TM4SF20: variants seen among roughly 807,000 people sequenced by gnomAD.
TM4SF20 encodes the protein transmembrane 4 L6 family member 20.
A neutral mutation model predicts 15.1 loss-of-function variants in TM4SF20; 13 were observed. The observed-to-expected ratio is 0.86, with a 90% CI of 0.56 to 1.36. The LOEUF (loss-of-function observed/expected upper bound fraction) is 1.36. Ranked by LOEUF, TM4SF20 falls within the 40% of genes most tolerant of loss-of-function variation. The pLI is 0.00. For missense variants in TM4SF20, 282 were observed against 268.4 expected (o/e 1.05, Z -0.35); for synonymous variants, 92 against 96.6 (o/e 0.95, Z 0.28).
At chr2:227,365,786 A>G (rs1410776669) in intron 3 of TM4SF20, among the ~76,000 whole-genome samples, 2 of 152,208 alleles carry the variant, frequency 1.3e-5, no homozygotes, top group Non-Finnish European at 2.9e-5. Context: ...GTATATTTGC[A>G]TAATTTTTTA....
At chr2:227,364,069 T>A in intron 3 of TM4SF20, 57 bp from the exon 4 acceptor site, 1 of 1,503,060 alleles carries the variant, frequency 6.7e-7, no homozygotes, top group Non-Finnish European at 9.0e-7. Context: ...CAAAGGAAAG[T>A]AGCATTGTGC....
At position 227,362,314 on chromosome 2, in the gene TM4SF20, A is replaced by T. The variant is rs1296923605; in HGVS notation, c.*1410T>A. ...ATTAATGAATAATGTAAACATAGGA[A>T]AATAGGAGGGTATAATGAATTGCCA... On this transcript the variant is annotated 3_prime_UTR_variant, in exon 4 of 4. Transcript: ENST00000304568. The T allele has an allele frequency of 6.6e-6, 1 of 152,348 alleles. No individual in the cohort carries two copies. Among genetic ancestry groups the T allele is most frequent in the South Asian group, 2.1e-4 (1 of 4,826 alleles). 9.4% of individuals were successfully genotyped at this position (152,348 alleles called of 1,614,324 possible). A position where few individuals can be genotyped will look rare whatever the true frequency, so the allele number is the denominator to read the frequency against.
At chr2:227,364,202 A>G (rs2076378890) in intron 3 of TM4SF20, among the ~76,000 whole-genome samples, 190 bp from the exon 4 acceptor site, 1 of 152,212 alleles carries the variant, frequency 6.6e-6, no homozygotes, top group Admixed American at 6.5e-5. Context: ...TTACTTATAT[A>G]GCCCATCATT....
Position 227,363,785 on chromosome 2 carries a change from A to G in TM4SF20, c.629T>C (p.Ile210Thr). The G allele has an allele frequency of 6.2e-7, 1 of 1,614,222 alleles. No homozygotes were observed. The highest frequency in any genetic ancestry group is 8.5e-7 in the Non-Finnish European group (1 of 1,180,032). Reference protein sequence around the residue: ...ILEVLFGLSQIVIGFLGCLCG... With the variant: ...ILEVLFGLSQTVIGFLGCLCG... The stretch of plus-strand genomic sequence containing the variant: ...CAGACAGCCAAGGAAACCGATGACT[A>G]TCTGACTGAGCCCAAACAGGACCTC... Residue 210 changes from isoleucine (I) to threonine (T), a missense_variant, in exon 4 of 4, where the codon ATA becomes ACA. Transcript: ENST00000304568.
chr2:227,378,826 G>T (rs2076464041), intron 1 of TM4SF20, among the ~76,000 whole-genome samples: 2 of 152,206 alleles, frequency 1.3e-5, no homozygotes, highest in African/African-American at 2.4e-5. Flanking sequence ...TACCTGTACA[G>T]AAATGTGAGA....
At chr2:227,368,644 G>A (rs1392064727) in intron 2 of TM4SF20, among the ~76,000 whole-genome samples, 1 of 152,158 alleles carries the variant, frequency 6.6e-6, no homozygotes, top group East Asian at 1.9e-4. Flanking sequence ...GGGATTGCAG[G>A]CGTGAGCCAC....
At chr2:227,370,749 C>G (rs2106492063) in intron 2 of TM4SF20, among the ~76,000 whole-genome samples, 166 bp downstream of exon 2, 1 of 152,232 alleles carries the variant, frequency 6.6e-6, no homozygotes, top group South Asian at 2.1e-4. Context: ...CAGAGCAAGA[C>G]CCTGTCTCTA....
At chr2:227,376,855 CCTAA>C (rs2076453148) in intron 1 of TM4SF20, among the ~76,000 whole-genome samples, 1 of 152,212 alleles carries the variant, frequency 6.6e-6, no homozygotes, top group South Asian at 2.1e-4. Context: ...TGTTAACATT[CCTAA>C]CTTTCTATCT....
At chr2:227,380,768 G>A (rs1380673293), upstream of TM4SF20, among the ~76,000 whole-genome samples, 1 of 152,164 alleles carries the variant, frequency 6.6e-6, no homozygotes, top group Non-Finnish European at 1.5e-5. Context: ...ATGCAGCGGT[G>A]CAGTCAGTGT....
intron 1 of TM4SF20, among the ~76,000 whole-genome samples, chr2:227,373,261 A>G (rs955757965): frequency 6.7e-6 from 1 of 149,666 alleles, no homozygotes; most frequent in Admixed American, 6.6e-5. Context: ...CTGATGATGT[A>G]CTGCCTCCAT....
chr2:227,376,212 G>A (rs866602237), intron 1 of TM4SF20, among the ~76,000 whole-genome samples: 1 of 152,278 alleles, frequency 6.6e-6, no homozygotes, highest in South Asian at 2.1e-4. Context: ...AAACACTACA[G>A]TAATTCTGGA....
chr2:227,378,788 C>G (rs1275598209), intron 1 of TM4SF20, among the ~76,000 whole-genome samples: 4 of 152,174 alleles, frequency 2.6e-5, no homozygotes, highest in Admixed American at 2.6e-4. Context: ...GTCCCTAACT[C>G]TAACCACAAA....
chr2:227,362,500 G>A lies in TM4SF20; in HGVS notation c.*1224C>T, dbSNP rs1298106270. ...AAAAATTCAAAATCCAGAATGCTCC[G>A]AGATCCAAAACTTTTTGAGCCAGTA... On this transcript the variant is annotated 3_prime_UTR_variant, in exon 4 of 4. Transcript: ENST00000304568. 3 of 152,010 alleles carry A rather than the reference G, an allele frequency of 2.0e-5. No individual in the cohort carries two copies. The highest frequency in any genetic ancestry group is 2.1e-4 in the South Asian group (1 of 4,818). 9.4% of individuals were successfully genotyped at this position (152,010 alleles called of 1,614,324 possible). A position where few individuals can be genotyped will look rare whatever the true frequency, so the allele number is the denominator to read the frequency against.
chr2:227,375,219 A>G (rs913249515), intron 1 of TM4SF20, among the ~76,000 whole-genome samples: 2 of 151,694 alleles, frequency 1.3e-5, no homozygotes, highest in Non-Finnish European at 1.5e-5. Flanking sequence ...AAGCCACCAT[A>G]CCTGGCCAAA....
In TM4SF20 at chr2:227,370,937, G is replaced by A. The variant is rs138005777; in HGVS notation, c.227C>T (p.Ala76Val). The A allele has an allele frequency of 2.0e-4, 315 of 1,613,838 alleles. No homozygotes were observed. The highest frequency in any genetic ancestry group is 2.4e-4 in the Non-Finnish European group (289 of 1,179,922). The change falls in exon 2 of 4, where the codon GCG (alanine) becomes GTG (valine). Residue 76 changes from alanine to valine, a missense_variant. Ala to Val is a moderately conservative substitution (Grantham distance 64). Transcript: ENST00000304568. ...TACTCCAGTTCTGTTGTTGCAGCAC[G>A]CTCTTTTTCTTGCTGTCAAGGACAT... is the stretch of plus-strand genomic sequence containing the variant. ...TTMSLTARKR[A>V]CCNNRTGMFL...
chr2:227,378,204 C>T (rs2076461268), intron 1 of TM4SF20, among the ~76,000 whole-genome samples: 1 of 152,180 alleles, frequency 6.6e-6, no homozygotes, highest in Admixed American at 6.5e-5. Flanking sequence ...TCAACATCCA[C>T]ATCCCCATTT....
chr2:227,363,755 C>G lies in TM4SF20; in HGVS notation c.659G>C (p.Gly220Ala). The change falls in exon 4 of 4, where the codon GGA (glycine) becomes GCA (alanine). Residue 220 changes from glycine to alanine, a missense_variant. Gly to Ala is a moderately conservative substitution (Grantham distance 60). Transcript: ENST00000304568. ...IVIGFLGCLC[G>A]VSKRRSQIV ...AATTTGACTTCTTCGCTTAGAGACT[C>G]CACACAGACAGCCAAGGAAACCGAT... 2 of 1,614,112 alleles carry G rather than the reference C, an allele frequency of 1.2e-6. No individual in the cohort carries two copies. The highest frequency in any genetic ancestry group is 1.7e-6 in the Non-Finnish European group (2 of 1,180,012).
chr2:227,365,948 C>T lies in TM4SF20; in HGVS notation c.401+145G>A, dbSNP rs140073297. On this transcript the variant is annotated intron_variant, in intron 3 of 3. Coordinates refer to ENST00000304568, the MANE Select transcript of TM4SF20 (RefSeq NM_024795.4). Reference sequence around the variant, plus strand: ...TTTGATGTGGAGTTGTGCTAACTGGCGTTAATGTACTAAAATTCCTAAGAA... The same window carrying T: ...TTTGATGTGGAGTTGTGCTAACTGGTGTTAATGTACTAAAATTCCTAAGAA... 180 of 708,344 alleles carry T rather than the reference C, an allele frequency of 2.5e-4. 2 individuals carry two copies. In the East Asian group the frequency reaches 4.9e-3, roughly 19 times the overall value. 43.9% of individuals were successfully genotyped at this position (708,344 alleles called of 1,614,324 possible). A position where few individuals can be genotyped will look rare whatever the true frequency, so the allele number is the denominator to read the frequency against.
chr2:227,366,329 TA>T (rs1481018547), intron 2 of TM4SF20, 85 bp from the exon 3 acceptor site: 1 of 1,222,446 alleles, frequency 8.2e-7, no homozygotes, highest in African/African-American at 1.5e-5. Context: ...CAGTCTTTTT[TA>T]AATCCAGTCG....
Sources: allele counts gnomAD v4.1 joint callset (sites outside exome capture counted in the v4.1 genomes callset), GRCh38; gene constraint gnomAD v4.1.1; transcripts MANE v1.5; gene names NCBI Gene and HGNC (gene_info 2026-07-23, HGNC 2026-07-21).